The following POLH variants were observed in gnomAD, a reference collection of about 807,000 sequenced individuals.
POLH encodes the protein DNA polymerase eta transcript.
POLH carries 53 observed loss-of-function variants against 73.6 expected under a neutral mutation model. That is an observed-to-expected ratio of 0.72 (90% CI 0.58 to 0.91). POLH has a LOEUF of 0.91. Ranked by LOEUF, POLH falls within the 40% of genes least tolerant of loss-of-function variation. The pLI, the probability that POLH is intolerant of heterozygous loss-of-function variation, is 0.00. For synonymous variants in POLH, 292 were observed against 308.5 expected (o/e 0.95, Z 0.56); for missense variants, 768 against 865.4 (o/e 0.89, Z 1.41).
rs892095647 is a variant in POLH at position 43,620,459 on chromosome 6, A to T, written c.*5902A>T. 5.5e-6 allele frequency: 2 copies of T among 365,248 alleles called. No individual in the cohort carries two copies. The highest frequency in any genetic ancestry group is 8.7e-5 in the Admixed American group (2 of 22,878). 22.6% of individuals were successfully genotyped at this position (365,248 alleles called of 1,614,324 possible). ...GAAGAGGTATCTAGCCCTGGAAGGA[A>T]GCTGAGCCTGTAGCTAACGCATAAG... On this transcript the variant is annotated 3_prime_UTR_variant, in exon 11 of 11. Transcript: ENST00000372236.
In POLH at chr6:43,614,250, C is replaced by T; in HGVS notation, c.1835C>T (p.Ser612Phe). The part of the protein sequence containing the change: ...QSMHASSASK[S>F]VLEVTQKATP... ...ATGCACGCCTCTTCAGCTTCCAAAT[C>T]TGTGCTGGAGGTGACTCAGAAAGCA... Residue 612 changes from serine (S) to phenylalanine (F), a missense_variant, in exon 11 of 11, where the codon TCT becomes TTT. Coordinates refer to ENST00000372236, the MANE Select transcript of POLH (RefSeq NM_006502.3). 6.2e-7 allele frequency: 1 copy of T among 1,605,934 alleles called. No individual in the cohort carries two copies. The highest frequency in any genetic ancestry group is 8.5e-7 in the Non-Finnish European group (1 of 1,174,422).
intron 8 of POLH, 145 bp from the exon 9 acceptor site, chr6:43,605,109 T>G: frequency 1.5e-6 from 1 of 684,834 alleles, no homozygotes; most frequent in Non-Finnish European, 2.7e-6. Context: ...CTGGGAACAT[T>G]TCTATGATCT....
chr6:43,582,344 G>T lies in POLH; in HGVS notation c.25G>T (p.Val9Phe), dbSNP rs781288440. ...AATGGCTACTGGACAGGATCGAGTG[G>T]TTGCTCTCGTGGACATGGACTGTTT... is the stretch of plus-strand genomic sequence containing the variant. MATGQDRV[V>F]ALVDMDCFFV... The change falls in exon 2 of 11, where the codon GTT (valine) becomes TTT (phenylalanine). Residue 9 changes from valine (V) to phenylalanine (F), a missense_variant. Transcript: ENST00000372236. 208 of 1,614,056 alleles carry T rather than the reference G, an allele frequency of 1.3e-4. No homozygotes were observed. The highest frequency in any genetic ancestry group is 1.6e-4 in the Non-Finnish European group (188 of 1,180,024).
Position 43,616,638 on chromosome 6 carries a change from T to C in POLH, c.*2081T>C, listed in dbSNP as rs1368057497. ...TTCTCTCTAGCTCTGTGACGGGCAGTTCAGATAATACCTTCACCAGATTTA... is the reference window on the plus strand; with the variant it reads ...TTCTCTCTAGCTCTGTGACGGGCAGCTCAGATAATACCTTCACCAGATTTA... On this transcript the variant is annotated 3_prime_UTR_variant, in exon 11 of 11. Transcript: ENST00000372236. Among the ~76,000 whole-genome samples the C allele has an allele frequency of 6.6e-6, 1 of 151,804 alleles. No homozygotes were observed. The highest frequency in any genetic ancestry group is 1.5e-5 in the Non-Finnish European group (1 of 67,972).
chr6:43,580,116 C>G (rs1049198426), intron 1 of POLH, among the ~76,000 whole-genome samples: 1 of 149,346 alleles, frequency 6.7e-6, no homozygotes, highest in Admixed American at 6.6e-5. Context: ...TGACTCTTAA[C>G]GAGCATGCTG....
At chr6:43,604,932 G>A (rs1767110601) in intron 8 of POLH, among the ~76,000 whole-genome samples, 194 bp downstream of exon 8, 1 of 152,186 alleles carries the variant, frequency 6.6e-6, no homozygotes, top group African/African-American at 2.4e-5. Flanking sequence ...GAAATAAAAT[G>A]GAATTTCTCA....
At chr6:43,589,318 G>A (rs2127782050) in intron 4 of POLH, among the ~76,000 whole-genome samples, 1 of 152,258 alleles carries the variant, frequency 6.6e-6, no homozygotes, top group South Asian at 2.1e-4. Flanking sequence ...CTAATGTCCT[G>A]CTCTAACAGT....
intron 4 of POLH, among the ~76,000 whole-genome samples, chr6:43,593,878 C>CAAAAAAAAAAAAAAAAA (rs768129925): frequency 1.2e-5 from 1 of 85,182 alleles, no homozygotes; most frequent in African/African-American, 3.8e-5. Context: ...GACTCCGTCT[C>CAAAAAAAAAAAAAAAAA]AAAAAAAAAA....
rs886061443 is a variant in POLH, at chr6:43,615,542, G to C, written c.*985G>C. On this transcript the variant is annotated 3_prime_UTR_variant, in exon 11 of 11. Coordinates refer to ENST00000372236, the MANE Select transcript of POLH (RefSeq NM_006502.3). Reference sequence around the variant, plus strand: ...CGCACTCCAGCCTGGGCAACAGAGCGAGACTCCATCTCAAACAAAAACAAG... The same window carrying C: ...CGCACTCCAGCCTGGGCAACAGAGCCAGACTCCATCTCAAACAAAAACAAG... 3 of 151,706 alleles carry C rather than the reference G, an allele frequency of 2.0e-5. No homozygotes were observed. Among genetic ancestry groups the C allele is most frequent in the African/African-American group, 7.3e-5 (3 of 41,274 alleles). The allele number at this position is 151,706 out of a possible 1,614,324, so 9.4% of individuals were successfully genotyped here.
In POLH at chr6:43,618,456, G is replaced by A. The variant is rs1403222486; in HGVS notation, c.*3899G>A. ...CATGAGCCACCACGCCCAGCCTATA[G>A]TACTGTATTCTTATTCTCCACTCTT... On this transcript the variant is annotated 3_prime_UTR_variant, in exon 11 of 11. Transcript: ENST00000372236. Among the ~76,000 whole-genome samples the A allele has an allele frequency of 6.6e-6, 1 of 151,256 alleles. No individual in the cohort carries two copies. Among genetic ancestry groups the A allele is most frequent in the Non-Finnish European group, 1.5e-5 (1 of 67,788 alleles).
At position 43,604,748 on chromosome 6, in the gene POLH, C is replaced by A; in HGVS notation, c.1008+10C>A. Reference sequence around the variant, plus strand: ...TGCTACTCGGGAACAGGTAAGCTGGCATTCTTGACAGAACACTACCTCTTT... The same window carrying A: ...TGCTACTCGGGAACAGGTAAGCTGGAATTCTTGACAGAACACTACCTCTTT... On this transcript the variant is annotated intron_variant, in intron 8 of 10. Coordinates refer to ENST00000372236, the MANE Select transcript of POLH (RefSeq NM_006502.3). 1 of 1,613,918 alleles carries A rather than the reference C, an allele frequency of 6.2e-7. No individual in the cohort carries two copies.
intron 7 of POLH, 71 bp downstream of exon 7, chr6:43,604,082 C>G (rs1436902799): frequency 8.0e-7 from 1 of 1,250,556 alleles, no homozygotes; most frequent in East Asian, 2.3e-5. Context: ...ACAAAACCAT[C>G]TAGTAAAATC....
At chr6:43,599,601 GAAAGTTGCC>G (rs1256051179) in intron 5 of POLH, among the ~76,000 whole-genome samples, 1 of 150,936 alleles carries the variant, frequency 6.6e-6, no homozygotes, top group African/African-American at 2.4e-5. Context: ...TCAATACAAG[GAAAGTTGCC>G]AAACTACCCA....
chr6:43,595,634 C>T (rs1326935420), intron 4 of POLH, among the ~76,000 whole-genome samples: 2 of 151,892 alleles, frequency 1.3e-5, no homozygotes, highest in African/African-American at 2.4e-5. Context: ...GACTGTAGTC[C>T]CAGCTACTTG....
chr6:43,580,178 T>TA (rs1173460773), intron 1 of POLH, among the ~76,000 whole-genome samples: 1 of 146,894 alleles, frequency 6.8e-6, no homozygotes, highest in Admixed American at 6.7e-5. Flanking sequence ...TTAATCCATT[T>TA]AACCCTGAGT....
chr6:43,590,462 T>G (rs1336068602), intron 4 of POLH, among the ~76,000 whole-genome samples: 1 of 151,794 alleles, frequency 6.6e-6, no homozygotes, highest in African/African-American at 2.4e-5. Context: ...TTTTTTTTGT[T>G]TTGGTTTTTG....
At position 43,614,461 on chromosome 6, in the gene POLH, A is replaced by T; in HGVS notation, c.2046A>T (p.Lys682Asn). ...QVVSAVSHQG[K>N]RNPKSPLACT... ...TTTCTGCCGTATCTCATCAAGGCAA[A>T]AGAAATCCCAAGAGCCCTTTGGCCT... The change falls in exon 11 of 11, where the codon AAA (lysine) becomes AAT (asparagine). Residue 682 changes from lysine (K) to asparagine (N), a missense_variant. Coordinates refer to ENST00000372236, the MANE Select transcript of POLH (RefSeq NM_006502.3). 6.2e-7 allele frequency: 1 copy of T among 1,614,174 alleles called. No homozygotes were observed. The highest frequency in any genetic ancestry group is 8.5e-7 in the Non-Finnish European group (1 of 1,180,034).
At chr6:43,605,705 A>T (rs980482949) in intron 9 of POLH, among the ~76,000 whole-genome samples, 3 of 151,608 alleles carry the variant, frequency 2.0e-5, no homozygotes, top group Admixed American at 6.6e-5. Flanking sequence ...AAATCTTTTT[A>T]AATTTTTTAA....
chr6:43,581,713 C>T (rs1180277161), intron 1 of POLH, among the ~76,000 whole-genome samples: 34 of 147,030 alleles, frequency 2.3e-4, no homozygotes, highest in African/African-American at 8.3e-4. Context: ...GCAGCGGCTC[C>T]GCTTCATATC....
Sources: allele counts gnomAD v4.1 joint callset (sites outside exome capture counted in the v4.1 genomes callset), GRCh38; gene constraint gnomAD v4.1.1; transcripts MANE v1.5; gene names NCBI Gene and HGNC (gene_info 2026-07-23, HGNC 2026-07-21).